Variants in ZBTB2 observed in about 807,000 individuals in gnomAD.
The protein encoded by ZBTB2 is zinc finger and BTB domain-containing protein 2.
In ZBTB2, 2 loss-of-function variants were observed where a neutral mutation model predicts 39.5. The ratio of observed to expected loss-of-function variants is 0.05; its 90% CI spans 0.02 to 0.16. ZBTB2 has a LOEUF of 0.16. ZBTB2 is among the 10% of genes least tolerant of loss of function. The probability of loss-of-function intolerance (pLI) is 1.00; values close to 1 mark genes in which losing one functional copy is unlikely to be tolerated. For missense variants in ZBTB2, 391 were observed against 653.0 expected, an observed-to-expected ratio of 0.60 and a Z score of 4.37; for synonymous variants, 251 against 256.6, an observed-to-expected ratio of 0.98 and a Z score of 0.21.
chr6:151,383,348 C>T (rs1447727335), intron 1 of ZBTB2, among the ~76,000 whole-genome samples: 1 of 152,146 alleles, frequency 6.6e-6, no homozygotes. Flanking sequence ...CCTTGCCCAG[C>T]TAATTATATG....
At chr6:151,378,713 G>C (rs1778968550) in intron 1 of ZBTB2, among the ~76,000 whole-genome samples, 1 of 152,172 alleles carries the variant, frequency 6.6e-6, no homozygotes, top group Non-Finnish European at 1.5e-5. Flanking sequence ...TGATCATGCT[G>C]ATCATATTTA....
At chr6:151,391,127 G>C (rs1383267823) in intron 1 of ZBTB2, among the ~76,000 whole-genome samples, 3 of 149,360 alleles carry the variant, frequency 2.0e-5, no homozygotes, top group Non-Finnish European at 4.5e-5. Flanking sequence ...CTGGCTCCGG[G>C]GGATGGTTTT....
chr6:151,384,243 C>T, intron 1 of ZBTB2, among the ~76,000 whole-genome samples: 1 of 152,162 alleles, frequency 6.6e-6, no homozygotes, highest in East Asian at 1.9e-4. Context: ...AGACAGACGT[C>T]ATGTTAAGGA....
intron 1 of ZBTB2, among the ~76,000 whole-genome samples, chr6:151,391,164 G>C (rs903893530): frequency 5.3e-5 from 8 of 150,818 alleles, no homozygotes; most frequent in African/African-American, 2.0e-4. Context: ...CCCGGCGCCA[G>C]GCGCAGCCGC....
chr6:151,386,980 A>G (rs2114882034), intron 1 of ZBTB2, among the ~76,000 whole-genome samples: 1 of 152,304 alleles, frequency 6.6e-6, no homozygotes, highest in Admixed American at 6.5e-5. Context: ...TATTTTTGCA[A>G]TTCTCTTTAA....
At position 151,366,572 on chromosome 6, in the gene ZBTB2, C is replaced by T. The variant is rs752151420; in HGVS notation, c.494G>A (p.Arg165Lys). Reference protein sequence around the residue: ...LGRDPRPQTSRISQEQVPEAS... With the variant: ...LGRDPRPQTSKISQEQVPEAS... ...CTCAGGGACCTGCTCCTGGCTTATC[C>T]TGGAGGTCTGTGGCCGTGGATCTCG... The change falls in exon 3 of 3, where the codon AGG (arginine) becomes AAG (lysine). Residue 165 changes from arginine to lysine, a missense_variant. By Grantham distance (26) the Arg-to-Lys change is conservative (BLOSUM62 2). Coordinates refer to ENST00000325144, the MANE Select transcript of ZBTB2 (RefSeq NM_020861.3). This position sits in a 1 kb window ranked among gnomAD's most constrained non-coding sequence, Gnocchi z 7.1. 1.9e-6 allele frequency: 3 copies of T among 1,614,052 alleles called. No homozygotes were observed. The highest frequency in any genetic ancestry group is 2.2e-5 in the South Asian group (2 of 91,080).
In ZBTB2 at chr6:151,366,952, C is replaced by A; in HGVS notation, c.174-60G>T. ...TGCCAGTCTAGGTGTTAACATAAAG[C>A]CTGAAGAAAAAAATGAATGCTTAAA... On this transcript the variant is annotated intron_variant, in intron 2 of 2. Coordinates refer to ENST00000325144, the MANE Select transcript of ZBTB2 (RefSeq NM_020861.3). The surrounding 1 kb of genome is among the most constrained non-coding windows in gnomAD (Gnocchi z 7.1). 1.1e-5 allele frequency: 16 copies of A among 1,492,224 alleles called. No individual in the cohort carries two copies. The highest frequency in any genetic ancestry group is 1.2e-5 in the Non-Finnish European group (14 of 1,120,256). The allele number at this position is 1,492,224 out of a possible 1,614,324, so 92.4% of individuals were successfully genotyped here.
Position 151,366,236 on chromosome 6 carries a change from G to A in ZBTB2, c.830C>T (p.Thr277Ile). Residue 277 changes from threonine (T) to isoleucine (I), a missense_variant, in exon 3 of 3, where the codon ACA becomes ATA. By Grantham distance (89) the Thr-to-Ile change is moderately conservative. Around this residue, in one of 7 missense-constraint regions of ZBTB2, gnomAD observed 80 missense variants for 125.2 expected, o/e 0.64. Transcript: ENST00000325144. The surrounding 1 kb of genome is among the most constrained non-coding windows in gnomAD (Gnocchi z 7.1). The stretch of plus-strand genomic sequence containing the variant: ...TTGGCTAGATGTGAAAGGTACTCCT[G>A]TGTGGATCTGGAGGTGTTCACGTAA... ...SSLREHLQIH[T>I]GVPFTSSQQG... 1 of 1,614,176 alleles carries A rather than the reference G, an allele frequency of 6.2e-7. No individual in the cohort carries two copies. The highest frequency in any genetic ancestry group is 1.1e-5 in the South Asian group (1 of 91,082).
Position 151,365,801 on chromosome 6 carries a change from T to C in ZBTB2, c.1265A>G (p.Asp422Gly). The C allele has an allele frequency of 6.2e-7, 1 of 1,614,226 alleles. No homozygotes were observed. The highest frequency in any genetic ancestry group is 8.5e-7 in the Non-Finnish European group (1 of 1,180,044). The change falls in exon 3 of 3, where the codon GAC (aspartate) becomes GGC (glycine). Residue 422 changes from aspartate to glycine, a missense_variant. This residue lies in a region of ZBTB2 where 32 missense variants were observed against 73.5 expected (regional missense o/e 0.44). Coordinates refer to ENST00000325144, the MANE Select transcript of ZBTB2 (RefSeq NM_020861.3). This position sits in a 1 kb window ranked among gnomAD's most constrained non-coding sequence, Gnocchi z 5.6. ...TGTGCAGAGTTCCAGAGTCTGTTTG[T>C]CCACCATGGTGTAAGTGTCGATGCT... ...NQSIDTYTMV[D>G]KQTLELCTFE...
intron 1 of ZBTB2, among the ~76,000 whole-genome samples, chr6:151,390,864 C>G (rs1362811545): frequency 6.7e-6 from 1 of 150,328 alleles, no homozygotes; most frequent in Non-Finnish European, 1.5e-5. Flanking sequence ...GGCGAGGCGT[C>G]GGAAGGATTA....
chr6:151,368,020 A>C (rs374096515), intron 2 of ZBTB2, among the ~76,000 whole-genome samples: 1 of 152,356 alleles, frequency 6.6e-6, no homozygotes, highest in East Asian at 1.9e-4. Flanking sequence ...TAGACAATGC[A>C]TTTCAAATTC....
At chr6:151,384,685 C>T (rs1322170911) in intron 1 of ZBTB2, among the ~76,000 whole-genome samples, 1 of 152,132 alleles carries the variant, frequency 6.6e-6, no homozygotes, top group Non-Finnish European at 1.5e-5. Flanking sequence ...GTTAGGTTCA[C>T]ACATGTTGGG....
rs149728387 is a variant in ZBTB2 at position 151,365,584 on chromosome 6, C to T, written c.1482G>A (p.Thr494=). ...ILLGSGDSEV[T]EPDHPVLASI... is the part of the protein sequence containing the mutation. ...AAGCTAACACTGGGTGGTCAGGCTC[C>T]GTTACTTCCGAGTCCCCACTGCCCA... is the stretch of plus-strand genomic sequence containing the variant. The change falls in exon 3 of 3, where the codon ACG becomes ACA. Residue 494 remains threonine (T), a synonymous_variant. Coordinates refer to ENST00000325144, the MANE Select transcript of ZBTB2 (RefSeq NM_020861.3). This position sits in a 1 kb window ranked among gnomAD's most constrained non-coding sequence, Gnocchi z 5.6. 1.1e-5 allele frequency: 18 copies of T among 1,614,194 alleles called. No homozygotes were observed. Among genetic ancestry groups the T allele is most frequent in the South Asian group, 9.9e-5 (9 of 91,088 alleles).
chr6:151,374,930 TAAAA>T (rs71556221), intron 1 of ZBTB2, among the ~76,000 whole-genome samples: 1 of 63,836 alleles, frequency 1.6e-5, no homozygotes, highest in Admixed American at 2.0e-4. Context: ...CCGTCTCTAC[TAAAA>T]AAAAAAAAAA....
At chr6:151,383,929 T>C (rs888525605) in intron 1 of ZBTB2, among the ~76,000 whole-genome samples, 12 of 152,184 alleles carry the variant, frequency 7.9e-5, no homozygotes, top group Non-Finnish European at 1.6e-4. Flanking sequence ...GCCTTGTATA[T>C]GGCCTAGGGT....
At chr6:151,376,025 C>G (rs1430621903) in intron 1 of ZBTB2, among the ~76,000 whole-genome samples, 3 of 152,102 alleles carry the variant, frequency 2.0e-5, no homozygotes, top group Non-Finnish European at 4.4e-5. Context: ...GAAGTAGACA[C>G]ACATAAATAT....
chr6:151,373,154 CAAAAAAAAAAAAAAAAA>C (rs58019601), intron 2 of ZBTB2, among the ~76,000 whole-genome samples: 42 of 27,850 alleles, frequency 1.5e-3, no homozygotes, highest in Middle Eastern at 0.038. Context: ...GACTCCGTCT[CAAAAAAAAAAAAAAAAA>C]AAAAAAAAAA....
At chr6:151,370,379 TG>T (rs1478941200) in intron 2 of ZBTB2, among the ~76,000 whole-genome samples, 4 of 152,218 alleles carry the variant, frequency 2.6e-5, no homozygotes, top group African/African-American at 9.6e-5. Context: ...AGGAAAAAGA[TG>T]AATATAGTTT....
chr6:151,373,945 G>A (rs1778846405), intron 1 of ZBTB2, among the ~76,000 whole-genome samples: 1 of 149,904 alleles, frequency 6.7e-6, no homozygotes, highest in Admixed American at 6.7e-5. Flanking sequence ...AGATGGTAAT[G>A]GAGAAGCCAG....
Sources: allele counts gnomAD v4.1 joint callset (sites outside exome capture counted in the v4.1 genomes callset), GRCh38; gene constraint gnomAD v4.1.1; regional missense constraint gnomAD v4.1.1; non-coding constraint Gnocchi (gnomAD v3.1); transcripts MANE v1.5; gene names NCBI Gene and HGNC (gene_info 2026-07-23, HGNC 2026-07-21).